Variants in CLPTM1L observed in about 807,000 individuals in gnomAD.
CLPTM1L encodes CLPTM1 like.
Under a neutral mutation model 70.9 loss-of-function variants are expected in CLPTM1L, and 38 were observed. The observed-to-expected ratio is 0.54, with a 90% CI of 0.41 to 0.70. The LOEUF (loss-of-function observed/expected upper bound fraction) is 0.70. Ranked by LOEUF, CLPTM1L falls within the 30% of genes least tolerant of loss-of-function variation. The pLI is 0.00. For synonymous variants in CLPTM1L, 339 were observed against 299.9 expected (o/e 1.13, Z -1.35); for missense variants, 652 against 705.9 (o/e 0.92, Z 0.87).
chr5:1,326,421 A>T (rs1445386109), intron 9 of CLPTM1L: 1 of 237,262 alleles, frequency 4.2e-6, no homozygotes, highest in Non-Finnish European at 8.0e-6. Flanking sequence ...CATTTCATCC[A>T]GCTCCTCCTC....
Position 1,324,758 on chromosome 5 carries a change from C to T in CLPTM1L, c.1197+5G>A, listed in dbSNP as rs1291695931. On this transcript the variant is annotated splice_donor_5th_base_variant and intron_variant, in intron 11 of 16. Coordinates refer to ENST00000320895, the MANE Select transcript of CLPTM1L (RefSeq NM_030782.5). ...TGCACGTGCCCTGAATCACAAGTGA[C>T]TTACCTGAGTATCGTACTCCTCGGT... The T allele has an allele frequency of 5.6e-6, 9 of 1,613,892 alleles. No homozygotes were observed. The highest frequency in any genetic ancestry group is 1.3e-5 in the African/African-American group (1 of 74,942).
intron 5 of CLPTM1L, among the ~76,000 whole-genome samples, chr5:1,336,392 G>A (rs900274821): frequency 1.3e-5 from 2 of 152,382 alleles, no homozygotes; most frequent in Non-Finnish European, 2.9e-5. Flanking sequence ...CCACTGGAAC[G>A]CAGGCCACCA....
chr5:1,321,589 C>A (rs778464298), intron 15 of CLPTM1L, 46 bp downstream of exon 15: 2 of 1,575,612 alleles, frequency 1.3e-6, no homozygotes, highest in African/African-American at 2.7e-5. Flanking sequence ...CCCTTGCTCA[C>A]GCTCTGCTCA....
chr5:1,332,144 A>G, intron 7 of CLPTM1L: 1 of 476,396 alleles, frequency 2.1e-6, no homozygotes, highest in East Asian at 3.6e-5. Context: ...AAAGGCCCCC[A>G]GGCAATTGGA....
intron 8 of CLPTM1L, chr5:1,330,659 G>C: frequency 2.1e-6 from 1 of 467,160 alleles, no homozygotes; most frequent in Non-Finnish European, 3.8e-6. Flanking sequence ...AACGTGGGCA[G>C]AGGTCGGATG....
intron 9 of CLPTM1L, among the ~76,000 whole-genome samples, chr5:1,327,373 T>C (rs1388099055): frequency 6.8e-6 from 1 of 147,096 alleles, no homozygotes; most frequent in African/African-American, 2.5e-5. Context: ...TACAGGCACA[T>C]TCCATCCAGC....
rs140752465 is a variant in CLPTM1L, at chr5:1,323,726, G to A, written c.1280+61C>T. ...TCCAGTCGCACCCCGCTCTGGCTCAGTCATCCAAATGGCTTTCTCAGGGGA... is the reference window on the plus strand; with the variant it reads ...TCCAGTCGCACCCCGCTCTGGCTCAATCATCCAAATGGCTTTCTCAGGGGA... On this transcript the variant is annotated intron_variant, in intron 12 of 16. Transcript: ENST00000320895. The A allele has an allele frequency of 1.2e-4, 181 of 1,455,380 alleles. No homozygotes were observed. The East Asian group carries it at 3.7e-3, about 30-fold the overall frequency. The allele number at this position is 1,455,380 out of a possible 1,614,324, so 90.2% of individuals were successfully genotyped here. A position where few individuals can be genotyped will look rare whatever the true frequency, so the allele number is the denominator to read the frequency against.
At chr5:1,328,643 C>T (rs13181861) in intron 9 of CLPTM1L, among the ~76,000 whole-genome samples, 1 of 151,252 alleles carries the variant, frequency 6.6e-6, no homozygotes, top group African/African-American at 2.4e-5. Flanking sequence ...TCCTCCTCTA[C>T]AGACAGTTTT....
chr5:1,325,772 TC>T lies in CLPTM1L; in HGVS notation c.1124del (p.Arg375LysfsTer3). On this transcript the variant is annotated frameshift_variant, in exon 10 of 17. Coordinates refer to ENST00000320895, the MANE Select transcript of CLPTM1L (RefSeq NM_030782.5). LOFTEE classifies it high-confidence loss of function. ...KKALKMTIFW[R>X]GLMPEFQFGT... The stretch of plus-strand genomic sequence containing the variant: ...CTACCTGAAATTCGGGCATCAGGCC[TC>T]TCCAAAAAATAGTCATCTTCAATGC... 1 of 1,613,818 alleles carries T rather than the reference TC, an allele frequency of 6.2e-7. No homozygotes were observed. The highest frequency in any genetic ancestry group is 8.5e-7 in the Non-Finnish European group (1 of 1,179,806).
intron 9 of CLPTM1L, among the ~76,000 whole-genome samples, chr5:1,327,281 G>A (rs1352010652): frequency 4.3e-4 from 51 of 117,324 alleles, no homozygotes; most frequent in Admixed American, 1.6e-3. Context: ...TCCTCTACAG[G>A]GACATTTCAT....
In CLPTM1L at chr5:1,318,095, C is replaced by T. The variant is rs754298531; in HGVS notation, c.*274G>A. The T allele has an allele frequency of 8.4e-6, 4 of 476,262 alleles. No individual in the cohort carries two copies. The highest frequency in any genetic ancestry group is 3.6e-5 in the South Asian group (1 of 27,926). The allele number at this position is 476,262 out of a possible 1,614,324, so 29.5% of individuals were successfully genotyped here. A position where few individuals can be genotyped will look rare whatever the true frequency, so the allele number is the denominator to read the frequency against. ...ACCCCTGCCCGCGTGAGGACATGGC[C>T]GAACCCCGGACACTCGTGTGCCGGG... On this transcript the variant is annotated 3_prime_UTR_variant, in exon 17 of 17. Coordinates refer to ENST00000320895, the MANE Select transcript of CLPTM1L (RefSeq NM_030782.5). The surrounding 1 kb of genome is among the most constrained non-coding windows in gnomAD (Gnocchi z 8.9).
At position 1,331,848 on chromosome 5, in the gene CLPTM1L, G is replaced by A; in HGVS notation, c.927C>T (p.Ile309=). The A allele has an allele frequency of 1.2e-6, 2 of 1,613,424 alleles. No homozygotes were observed. The highest frequency in any genetic ancestry group is 2.2e-5 in the East Asian group (1 of 44,882). ...LFDFLAFKND[I]SFWKKKKSMI... is the part of the protein sequence containing the mutation. ...TGCTCTTCTTCTTCTTCCAGAAACT[G>A]ATGTCATTTTTAAAGGCCAGGAAAT... Residue 309 remains isoleucine (I), a synonymous_variant, in exon 8 of 17, where the codon ATC becomes ATT. Coordinates refer to ENST00000320895, the MANE Select transcript of CLPTM1L (RefSeq NM_030782.5).
rs975434737 is a variant in CLPTM1L at position 1,327,738 on chromosome 5, T to C, written c.1081-1922A>G. Among the ~76,000 whole-genome samples the C allele has an allele frequency of 1.3e-5, 2 of 150,026 alleles. 1 individual carries two copies. Among genetic ancestry groups the C allele is most frequent in the African/African-American group, 4.9e-5 (2 of 40,406 alleles). ...CAGGGACATTTCATCCAGCTCCTCC[T>C]CTACAGGGACATTCCACCCAGCTCC... is the stretch of plus-strand genomic sequence containing the variant. On this transcript the variant is annotated intron_variant, in intron 9 of 16. Transcript: ENST00000320895.
chr5:1,320,573 C>G (rs775350254), intron 16 of CLPTM1L, 43 bp downstream of exon 16: 1 of 1,129,398 alleles, frequency 8.9e-7, no homozygotes, highest in South Asian at 1.5e-5. Flanking sequence ...GCAGCCACGC[C>G]GCTGAGACGG....
At chr5:1,325,894 G>T (rs965267296) in intron 9 of CLPTM1L, 78 bp from the exon 10 acceptor site, 22 of 1,242,036 alleles carry the variant, frequency 1.8e-5, no homozygotes, top group Middle Eastern at 1.9e-4. Context: ...AGACAGTAAC[G>T]GGTAGGACCT....
At chr5:1,343,599 C>G (rs1754085234) in intron 2 of CLPTM1L, among the ~76,000 whole-genome samples, 1 of 152,210 alleles carries the variant, frequency 6.6e-6, no homozygotes. Flanking sequence ...TCTGGCCTCC[C>G]CTTCATGGAG....
chr5:1,326,930 CGG>C (rs1752620688), intron 9 of CLPTM1L, among the ~76,000 whole-genome samples: 2 of 150,408 alleles, frequency 1.3e-5, no homozygotes, highest in Non-Finnish European at 1.5e-5. Flanking sequence ...TCCTCCTCTA[CGG>C]ACACATTTCA....
chr5:1,338,975 C>A lies in CLPTM1L; in HGVS notation c.484G>T (p.Ala162Ser). The stretch of plus-strand genomic sequence containing the variant: ...CAGTGGGACACTGGCTCATCCAGGG[C>A]ACTCGTCGGCTTCTTCTCCGCCTCG... Reference protein sequence around the residue: ...QIEAEKKPTSALDEPVSHWRP... With the variant: ...QIEAEKKPTSSLDEPVSHWRP... The change falls in exon 4 of 17, where the codon GCC becomes TCC. Residue 162 changes from alanine to serine, a missense_variant. Ala to Ser is a moderately conservative substitution (Grantham distance 99, BLOSUM62 1). Coordinates refer to ENST00000320895, the MANE Select transcript of CLPTM1L (RefSeq NM_030782.5). 2 of 1,613,302 alleles carry A rather than the reference C, an allele frequency of 1.2e-6. No homozygotes were observed. Among genetic ancestry groups the A allele is most frequent in the Non-Finnish European group, 1.7e-6 (2 of 1,179,974 alleles).
At chr5:1,321,065 G>A (rs1312991853) in intron 15 of CLPTM1L, among the ~76,000 whole-genome samples, 1 of 152,126 alleles carries the variant, frequency 6.6e-6, no homozygotes, top group East Asian at 1.9e-4. Flanking sequence ...CAGAGCCAAG[G>A]TTAGAGCCGC....
Sources: allele counts gnomAD v4.1 joint callset (sites outside exome capture counted in the v4.1 genomes callset), GRCh38; gene constraint gnomAD v4.1.1; non-coding constraint Gnocchi (gnomAD v3.1); transcripts MANE v1.5; gene names NCBI Gene and HGNC (gene_info 2026-07-23, HGNC 2026-07-21).